DKK4: variants seen among roughly 807,000 people sequenced by gnomAD.
DKK4 encodes dickkopf Wnt signaling pathway inhibitor 4, also known as dickkopf-related protein 4.
Under a neutral mutation model 14.5 loss-of-function variants are expected in DKK4, and 15 were observed. That is an observed-to-expected ratio of 1.03 (90% CI 0.69 to 1.59). The LOEUF is 1.59. Ranked by LOEUF, DKK4 falls within the 40% of genes most tolerant of loss-of-function variation. DKK4 has a pLI of 0.00. For missense variants in DKK4, 272 were observed against 280.3 expected, an observed-to-expected ratio of 0.97 and a Z score of 0.21; for synonymous variants, 89 against 105.2, an observed-to-expected ratio of 0.85 and a Z score of 0.94.
upstream of DKK4, among the ~76,000 whole-genome samples, chr8:42,381,858 A>T (rs550246688): frequency 2.0e-5 from 3 of 152,294 alleles, no homozygotes; most frequent in East Asian, 1.9e-4. Context: ...TTAGCTGGGC[A>T]TGATGGCACA....
At chr8:42,374,987 T>C (rs1824530954) in intron 2 of DKK4, 74 bp from the exon 3 acceptor site, 7 of 1,507,502 alleles carry the variant, frequency 4.6e-6, no homozygotes, top group African/African-American at 4.2e-5. Context: ...ATTATCCTAC[T>C]GTTGCATAGT....
chr8:42,374,860 C>G lies in DKK4; in HGVS notation c.316G>C (p.Glu106Gln). The change falls in exon 3 of 4, where the codon GAG becomes CAG. Residue 106 changes from glutamate to glutamine, a missense_variant. Physicochemically the swap from Glu to Gln is conservative, Grantham distance 29. Coordinates refer to ENST00000220812, the MANE Select transcript of DKK4 (RefSeq NM_014420.3). ...CCTTCTGCATGTGTGCCATCTTGCT[C>G]ATCAAGCTGCCTTTCTAATATTGGG... ...ATPILERQLDEQDGTHAEGTT... is the reference protein window; with the variant it reads ...ATPILERQLDQQDGTHAEGTT... 6.2e-7 allele frequency: 1 copy of G among 1,614,192 alleles called. No individual in the cohort carries two copies. The highest frequency in any genetic ancestry group is 8.5e-7 in the Non-Finnish European group (1 of 1,180,034).
the DKK4 span, among the ~76,000 whole-genome samples, chr8:42,389,987 G>A: frequency 7.3e-6 from 1 of 136,516 alleles, no homozygotes; most frequent in Non-Finnish European, 1.5e-5. Flanking sequence ...CACCTCCGGG[G>A]TTCAAGTTGA....
chr8:42,379,376 TATAG>T (rs1251935252), upstream of DKK4, among the ~76,000 whole-genome samples: 15 of 45,636 alleles, frequency 3.3e-4, no homozygotes, highest in South Asian at 1.6e-3. Flanking sequence ...TATATATATA[TATAG>T]AGAGAGAGAG....
At chr8:42,383,475 C>T in the DKK4 span, among the ~76,000 whole-genome samples, 1 of 152,370 alleles carries the variant, frequency 6.6e-6, no homozygotes, top group African/African-American at 2.4e-5. Flanking sequence ...GTTCCATGCA[C>T]GTGGCCCACG....
upstream of DKK4, among the ~76,000 whole-genome samples, chr8:42,381,882 A>T (rs1824685905): frequency 6.6e-6 from 1 of 152,192 alleles, no homozygotes; most frequent in African/African-American, 2.4e-5. Context: ...CTGTAATCCC[A>T]GTTACTTGGG....
In DKK4 at chr8:42,374,341, C is replaced by T. The variant is rs1023926238; in HGVS notation, c.434G>A (p.Cys145Tyr). 3 of 1,613,604 alleles carry T rather than the reference C, an allele frequency of 1.9e-6. No homozygotes were observed. The highest frequency in any genetic ancestry group is 1.7e-5 in the Admixed American group (1 of 59,826). The change falls in exon 4 of 4, where the codon TGT becomes TAT. Residue 145 changes from cysteine (C) to tyrosine (Y), a missense_variant. By Grantham distance (194) the Cys-to-Tyr change is radical. Transcript: ENST00000220812. ...AGGGCCACAGTCAAAAGTTCTCAGA[C>T]AACTTTCTCCCTCTTGTCCTGTAAC... is the stretch of plus-strand genomic sequence containing the variant. ...QGRKGQEGESCLRTFDCGPGL... is the reference protein window; with the variant it reads ...QGRKGQEGESYLRTFDCGPGL...
chr8:42,387,238 G>A, the DKK4 span, among the ~76,000 whole-genome samples: 2 of 151,430 alleles, frequency 1.3e-5, no homozygotes, highest in East Asian at 1.9e-4. Context: ...GACTGAGAAA[G>A]CCCTTTCCAC....
the DKK4 span, among the ~76,000 whole-genome samples, chr8:42,385,475 T>G: frequency 6.6e-6 from 1 of 152,180 alleles, no homozygotes; most frequent in Non-Finnish European, 1.5e-5. Flanking sequence ...GCTCAGATCC[T>G]AATTCATAGC....
At chr8:42,387,465 C>A in the DKK4 span, among the ~76,000 whole-genome samples, 60 of 139,484 alleles carry the variant, frequency 4.3e-4, 1 homozygote, top group African/African-American at 1.4e-3. Context: ...TCAAGTTATT[C>A]TCCTGCCTCA....
At chr8:42,386,026 T>C in the DKK4 span, among the ~76,000 whole-genome samples, 38 of 152,238 alleles carry the variant, frequency 2.5e-4, no homozygotes, top group Non-Finnish European at 1.5e-5. Context: ...TCTGCTCATG[T>C]GCGCCTCTTC....
upstream of DKK4, among the ~76,000 whole-genome samples, chr8:42,381,767 G>A (rs1824684257): frequency 6.6e-6 from 1 of 152,212 alleles, no homozygotes. Context: ...GGAGGCTGAG[G>A]AGGGTGGATC....
At chr8:42,379,428 A>AGAGAGAGAG (rs1563415812), upstream of DKK4, among the ~76,000 whole-genome samples, 1 of 77,740 alleles carries the variant, frequency 1.3e-5, no homozygotes, top group African/African-American at 4.8e-5. Context: ...GAGAGAGAGA[A>AGAGAGAGAG]AGATTCAGAC....
chr8:42,378,526 T>C (rs939139025), upstream of DKK4, among the ~76,000 whole-genome samples: 11 of 152,266 alleles, frequency 7.2e-5, no homozygotes, highest in South Asian at 1.0e-3. Context: ...ACAACACCCT[T>C]TGATAGCATG....
Position 42,375,731 on chromosome 8 carries a change from T to G in DKK4, c.211A>C (p.Arg71=). The G allele has an allele frequency of 6.2e-7, 1 of 1,613,952 alleles. No individual in the cohort carries two copies. The highest frequency in any genetic ancestry group is 8.5e-7 in the Non-Finnish European group (1 of 1,180,018). The part of the protein sequence containing the change: ...PFCATCRGLR[R]RCQRDAMCCP... ...CACATGGCATCTCGCTGGCACCTCC[T>G]CCGCAACCCACGACATGTAGCACAG... The change falls in exon 2 of 4, where the codon AGG becomes CGG. Residue 71 remains arginine, a synonymous_variant. Transcript: ENST00000220812.
At chr8:42,384,637 CTT>C in the DKK4 span, among the ~76,000 whole-genome samples, 2 of 152,148 alleles carry the variant, frequency 1.3e-5, no homozygotes, top group Non-Finnish European at 2.9e-5. Flanking sequence ...AAGCCTCTCT[CTT>C]GGGGGGCCTT....
At chr8:42,375,157 A>T (rs1193973665) in intron 2 of DKK4, among the ~76,000 whole-genome samples, 1 of 152,244 alleles carries the variant, frequency 6.6e-6, no homozygotes, top group Non-Finnish European at 1.5e-5. Flanking sequence ...GAAGTATTTG[A>T]ATGATTACAA....
rs1201482786 is a variant in DKK4 at position 42,376,932 on chromosome 8, T to C, written c.111+3A>G. On this transcript the variant is annotated splice_donor_region_variant and intron_variant, in intron 1 of 3. Transcript: ENST00000220812. ...ACCTCGCCCCCCTCCCTAGCAGCCT[T>C]ACCTTCCGGGCCCCATGCAGGTCAG... 6.2e-7 allele frequency: 1 copy of C among 1,613,222 alleles called. No individual in the cohort carries two copies. The highest frequency in any genetic ancestry group is 8.5e-7 in the Non-Finnish European group (1 of 1,179,702).
the DKK4 span, among the ~76,000 whole-genome samples, chr8:42,389,239 G>A: frequency 3.9e-5 from 6 of 152,162 alleles, no homozygotes; most frequent in Admixed American, 2.0e-4. Flanking sequence ...CATGGCACCC[G>A]GCCTGGATAC....
Sources: gnomAD v4.1 joint callset for allele counts (sites outside exome capture counted in the v4.1 genomes callset) on GRCh38, gnomAD v4.1.1 for gene constraint, MANE v1.5 for transcripts, NCBI Gene and HGNC (gene_info 2026-07-23, HGNC 2026-07-21) for gene names.